CAMK1D: variants seen among roughly 807,000 people sequenced by gnomAD.
CAMK1D encodes the protein calcium/calmodulin dependent protein kinase ID.
CAMK1D carries 9 observed loss-of-function variants against 47.7 expected under a neutral mutation model. That is an observed-to-expected ratio of 0.19 (90% confidence interval 0.11 to 0.33). CAMK1D has a LOEUF of 0.33. CAMK1D is among the 10% of genes least tolerant of loss of function. CAMK1D has a pLI of 1.00. For missense variants in CAMK1D, 291 were observed against 488.7 expected, an observed-to-expected ratio of 0.60 and a Z score of 3.81; for synonymous variants, 184 against 184.9, an observed-to-expected ratio of 0.99 and a Z score of 0.04.
chr10:12,373,335 A>T (rs1001775424), intron 1 of CAMK1D, among the ~76,000 whole-genome samples: 2 of 151,026 alleles, frequency 1.3e-5, no homozygotes, highest in African/African-American at 4.9e-5. Flanking sequence ...AAAAGATATT[A>T]AAAAAATAAA....
intron 3 of CAMK1D, among the ~76,000 whole-genome samples, chr10:12,726,997 A>G (rs1834671533): frequency 6.6e-6 from 1 of 152,198 alleles, no homozygotes; most frequent in Non-Finnish European, 1.5e-5. Context: ...ACGGCACGCC[A>G]TGCCCGTGGC....
At chr10:12,472,961 T>C (rs545793096) in intron 1 of CAMK1D, among the ~76,000 whole-genome samples, 1 of 152,256 alleles carries the variant, frequency 6.6e-6, no homozygotes, top group African/African-American at 2.4e-5. Flanking sequence ...AGCTGAAATA[T>C]CCATGTGGGG....
intron 1 of CAMK1D, among the ~76,000 whole-genome samples, chr10:12,487,657 G>C (rs12570508): frequency 1.3e-5 from 2 of 152,322 alleles, no homozygotes; most frequent in Non-Finnish European, 2.9e-5. Context: ...AAGGTGTCAC[G>C]TAACTGGAAT....
intron 2 of CAMK1D, among the ~76,000 whole-genome samples, chr10:12,599,777 C>T (rs529341061): frequency 6.6e-6 from 1 of 152,338 alleles, no homozygotes; most frequent in East Asian, 1.9e-4. Flanking sequence ...CAGAGGAGGG[C>T]TTGCAGCCTC....
chr10:12,431,850 G>GGTGAT (rs1351178721), intron 1 of CAMK1D, among the ~76,000 whole-genome samples: 1 of 152,216 alleles, frequency 6.6e-6, no homozygotes, highest in Non-Finnish European at 1.5e-5. Context: ...GAGGATTTGA[G>GGTGAT]GATGTTCTTG....
intron 3 of CAMK1D, among the ~76,000 whole-genome samples, chr10:12,685,871 A>AGATTATGAGGATTAGGTGGGACTTCTCTT (rs1832640299): frequency 6.6e-6 from 1 of 152,134 alleles, no homozygotes; most frequent in South Asian, 2.1e-4. Context: ...GTTGTGCCGG[A>AGATTATGAGGATTAGGTGGGACTTCTCTT]GATTATGAGG....
intron 1 of CAMK1D, among the ~76,000 whole-genome samples, chr10:12,398,541 G>A (rs905636581): frequency 1.3e-5 from 2 of 152,062 alleles, no homozygotes; most frequent in African/African-American, 4.8e-5. Flanking sequence ...AAGAGACGGG[G>A]TTTCACCATG....
intron 1 of CAMK1D, among the ~76,000 whole-genome samples, chr10:12,430,335 G>C (rs1228545517): frequency 1.3e-5 from 2 of 152,202 alleles, no homozygotes; most frequent in Non-Finnish European, 2.9e-5. Context: ...ACAAGGCACT[G>C]ACCAGCCCTG....
rs556125656 is a variant in CAMK1D at position 12,761,068 on chromosome 10, C to T, written c.420C>T (p.Ile140=). Residue 140 remains isoleucine, a synonymous_variant, in exon 4 of 11, where the codon ATC becomes ATT. Coordinates refer to ENST00000619168, the MANE Select transcript of CAMK1D (RefSeq NM_153498.4). ...TGTACTATCTCCACAGAATGGGCAT[C>T]GTCCACAGAGACCTCAAGGTGAGGC... is the stretch of plus-strand genomic sequence containing the variant. ...DAVYYLHRMG[I]VHRDLKPENL... is the part of the protein sequence containing the mutation. 7.4e-6 allele frequency: 12 copies of T among 1,614,092 alleles called. No homozygotes were observed. In the African/African-American group the frequency reaches 1.1e-4, roughly 14 times the overall value.
At chr10:12,770,923 T>C (rs1837009230) in intron 5 of CAMK1D, among the ~76,000 whole-genome samples, 2 of 150,846 alleles carry the variant, frequency 1.3e-5, no homozygotes, top group South Asian at 4.2e-4. Flanking sequence ...TTCTTTCTTT[T>C]TTGTGGGGGG....
At chr10:12,477,419 A>G (rs1046827608) in intron 1 of CAMK1D, among the ~76,000 whole-genome samples, 1 of 152,162 alleles carries the variant, frequency 6.6e-6, no homozygotes, top group African/African-American at 2.4e-5. Flanking sequence ...TGGCTCAAAA[A>G]AGCAGAAGAT....
rs1175308087 is a variant in CAMK1D, at chr10:12,449,312, G to A, written c.92+99402G>A. 2.6e-5 allele frequency among the ~76,000 whole-genome samples: 4 copies of A among 152,142 alleles called. No individual in the cohort carries two copies. In the East Asian group the frequency reaches 5.8e-4, roughly 22 times the overall value. ...GTGTGGCTGTGTGAAGGGCCCCGTC[G>A]TCTTGTGTAGCTGCTCCCGTGTTGA... On this transcript the variant is annotated intron_variant, in intron 1 of 10. Coordinates refer to ENST00000619168, the MANE Select transcript of CAMK1D (RefSeq NM_153498.4).
intron 2 of CAMK1D, among the ~76,000 whole-genome samples, chr10:12,643,925 G>A (rs1839745714): frequency 6.6e-6 from 1 of 151,468 alleles, no homozygotes; most frequent in African/African-American, 2.4e-5. Context: ...ATCTGTTACT[G>A]TCTCCCATCA....
intron 1 of CAMK1D, among the ~76,000 whole-genome samples, chr10:12,387,399 T>TTATATATTATATATATAATATATATA (rs1838545968): frequency 1.5e-5 from 1 of 65,400 alleles, no homozygotes; most frequent in Non-Finnish European, 3.3e-5. Context: ...ATTATATATT[T>TTATATATTATATATATAATATATATA]TTATATATTA....
chr10:12,391,068 TTC>T (rs916704271), intron 1 of CAMK1D, among the ~76,000 whole-genome samples: 2 of 152,168 alleles, frequency 1.3e-5, no homozygotes, highest in Non-Finnish European at 2.9e-5. Flanking sequence ...CAACACTGTC[TTC>T]TCTCGTGAAT....
In CAMK1D at chr10:12,553,306, G is replaced by C. The variant is rs553333737; in HGVS notation, c.174G>C (p.Ala58=). ...LFAVKCIPKK[A]LKGKESSIEN... ...CTGTGAAGTGTATCCCTAAGAAGGC[G>C]CTGAAGGGCAAGGAAAGCAGCATAG... The change falls in exon 2 of 11, where the codon GCG becomes GCC. Residue 58 remains alanine (A), a synonymous_variant. Coordinates refer to ENST00000619168, the MANE Select transcript of CAMK1D (RefSeq NM_153498.4). The C allele has an allele frequency of 1.9e-6, 3 of 1,614,178 alleles. No homozygotes were observed. In the Admixed American group the frequency reaches 5.0e-5, roughly 27 times the overall value.
intron 2 of CAMK1D, among the ~76,000 whole-genome samples, chr10:12,603,263 G>A (rs181255172): frequency 8.1e-4 from 123 of 152,124 alleles, no homozygotes; most frequent in African/African-American, 2.7e-3. Context: ...CAGCATGTCC[G>A]CATTCCGGAT....
intron 1 of CAMK1D, among the ~76,000 whole-genome samples, chr10:12,460,364 G>A (rs1833387938): frequency 6.6e-6 from 1 of 151,680 alleles, no homozygotes. Context: ...GGGCTCAAGC[G>A]ATCCTCCTGC....
In CAMK1D at chr10:12,685,130, G is replaced by A. The variant is rs146169709; in HGVS notation, c.299+18320G>A. Among the ~76,000 whole-genome samples the A allele has an allele frequency of 1.4e-4, 22 of 152,272 alleles. No individual in the cohort carries two copies. In the East Asian group the frequency reaches 3.9e-3, roughly 27 times the overall value. Reference sequence around the variant, plus strand: ...AGTATGGCCAACATGGTGAAACCCCGTCTGTACTAAAAATACGAAAATTAG... The same window carrying A: ...AGTATGGCCAACATGGTGAAACCCCATCTGTACTAAAAATACGAAAATTAG... On this transcript the variant is annotated intron_variant, in intron 3 of 10. Transcript: ENST00000619168.
Sources: allele counts gnomAD v4.1 joint callset (sites outside exome capture counted in the v4.1 genomes callset), GRCh38; gene constraint gnomAD v4.1.1; transcripts MANE v1.5; gene names NCBI Gene and HGNC (gene_info 2026-07-23, HGNC 2026-07-21).